LRRC51: variants seen among roughly 807,000 people sequenced by gnomAD.
The protein encoded by LRRC51 is leucine rich repeat containing 51.
In LRRC51, 8 loss-of-function variants were observed where a neutral mutation model predicts 17.8. That is an observed-to-expected ratio of 0.45 (90% CI 0.26 to 0.81). LRRC51 has a LOEUF of 0.81. LRRC51 is among the 30% of genes least tolerant of loss of function. The pLI is 0.17. For synonymous variants in LRRC51, 92 were observed against 96.0 expected, an observed-to-expected ratio of 0.96 and a Z score of 0.24; for missense variants, 233 against 239.3, an observed-to-expected ratio of 0.97 and a Z score of 0.17.
intron 5 of LRRC51, 68 bp downstream of exon 5, chr11:72,095,164 A>G: frequency 6.3e-7 from 1 of 1,591,588 alleles, no homozygotes; most frequent in Non-Finnish European, 8.6e-7. Context: ...AGGAGAAACA[A>G]GAAATCTACG....
intron 3 of LRRC51, among the ~76,000 whole-genome samples, chr11:72,090,531 C>A (rs1944798462): frequency 6.6e-6 from 1 of 152,050 alleles, no homozygotes; most frequent in Non-Finnish European, 1.5e-5. Context: ...GTATTGTGCT[C>A]CTTGCTAGGT....
At chr11:72,089,213 G>A in intron 3 of LRRC51, 48 bp downstream of exon 3, 2 of 1,613,704 alleles carry the variant, frequency 1.2e-6, no homozygotes, top group Non-Finnish European at 1.7e-6. Flanking sequence ...AGCAGGCCCA[G>A]TGTGGTCCCT....
chr11:72,086,002 G>A (rs1048696892), intron 1 of LRRC51: 12 of 160,370 alleles, frequency 7.5e-5, no homozygotes, highest in East Asian at 1.8e-4. Context: ...CATGTTTATC[G>A]ACATCTCATT....
At chr11:72,093,837 CCAGA>C (rs1945002939) in intron 4 of LRRC51, 136 bp downstream of exon 4, 4 of 855,802 alleles carry the variant, frequency 4.7e-6, no homozygotes, top group East Asian at 2.5e-5. Flanking sequence ...GGCTAGGGGG[CCAGA>C]CAGATAGATG....
intron 4 of LRRC51, 23 bp downstream of exon 4, chr11:72,093,724 C>A: frequency 1.2e-6 from 2 of 1,611,316 alleles, no homozygotes; most frequent in Non-Finnish European, 8.5e-7. Context: ...CAGTAGGAAT[C>A]CAGTCAGGGG....
chr11:72,083,041 T>C (rs576749488), intron 1 of LRRC51, among the ~76,000 whole-genome samples: 32 of 152,302 alleles, frequency 2.1e-4, no homozygotes, highest in Non-Finnish European at 4.0e-4. Flanking sequence ...AATTTTATAT[T>C]TTTAGTAGAG....
At chr11:72,088,740 C>A (rs1442143255) in intron 2 of LRRC51, 4 of 513,096 alleles carry the variant, frequency 7.8e-6, no homozygotes, top group Non-Finnish European at 1.4e-5. Context: ...TGGCTTAACT[C>A]TGGGCAAGTC....
chr11:72,089,465 AAAG>A, intron 3 of LRRC51: 5 of 1,326,062 alleles, frequency 3.8e-6, no homozygotes, highest in South Asian at 2.6e-5. Flanking sequence ...ATCATCTTTA[AAAG>A]AAGCCAGGCT....
At chr11:72,086,142 C>A in intron 1 of LRRC51, 1 of 461,000 alleles carries the variant, frequency 2.2e-6, no homozygotes, top group Non-Finnish European at 3.9e-6. Context: ...TAACACAGGA[C>A]ACATTAACCA....
At chr11:72,088,899 T>A in intron 2 of LRRC51, 130 bp from the exon 3 acceptor site, 1 of 1,087,922 alleles carries the variant, frequency 9.2e-7, no homozygotes, top group African/African-American at 1.6e-5. Flanking sequence ...GAAGAGTGAT[T>A]TCATATCTTA....
intron 2 of LRRC51, 190 bp downstream of exon 2, chr11:72,088,570 G>A (rs1413082616): frequency 2.5e-5 from 15 of 605,842 alleles, no homozygotes; most frequent in South Asian, 5.9e-5. Flanking sequence ...AACCAGATGC[G>A]GTGCAGGCCC....
chr11:72,081,824 A>G (rs888133435), intron 1 of LRRC51, among the ~76,000 whole-genome samples: 4 of 151,996 alleles, frequency 2.6e-5, no homozygotes, highest in African/African-American at 7.3e-5. Context: ...CGACAGATCT[A>G]TTACATTTAG....
In LRRC51 at chr11:72,093,717, T is replaced by C; in HGVS notation, c.288+16T>C. 6.2e-7 allele frequency: 1 copy of C among 1,613,112 alleles called. No individual in the cohort carries two copies. Among genetic ancestry groups the C allele is most frequent in the Non-Finnish European group, 8.5e-7 (1 of 1,179,148 alleles). On this transcript the variant is annotated intron_variant, in intron 4 of 5. Transcript: ENST00000289488. ...CATTGACCCTGTGAGTTCCTAACAG[T>C]AGGAATCCAGTCAGGGGAGCCTGAA...
intron 4 of LRRC51, 32 bp downstream of exon 4, chr11:72,093,733 G>C: frequency 6.2e-7 from 1 of 1,605,626 alleles, no homozygotes; most frequent in Non-Finnish European, 8.5e-7. Context: ...TCCAGTCAGG[G>C]GAGCCTGAAG....
chr11:72,082,650 A>T (rs1488379278), intron 1 of LRRC51, among the ~76,000 whole-genome samples: 2 of 151,882 alleles, frequency 1.3e-5, no homozygotes, highest in Non-Finnish European at 2.9e-5. Context: ...CAAGCCCAAA[A>T]CCCAAGTTAG....
chr11:72,089,654 ATGAGGGGTCTTATCTACAAAC>A, intron 3 of LRRC51: 1 of 1,092,736 alleles, frequency 9.2e-7, no homozygotes, highest in South Asian at 1.8e-5. Flanking sequence ...CTGGCCAAAC[ATGAGGGGTCTTATCTACAAAC>A]TGGCATATTT....
At chr11:72,092,416 T>G (rs1944912641) in intron 3 of LRRC51, among the ~76,000 whole-genome samples, 1 of 152,248 alleles carries the variant, frequency 6.6e-6, no homozygotes, top group African/African-American at 2.4e-5. Context: ...TTATGTTGAT[T>G]GTAGGGCCCT....
At chr11:72,095,258 C>A in intron 5 of LRRC51, 121 bp from the exon 6 acceptor site, 1 of 1,588,754 alleles carries the variant, frequency 6.3e-7, no homozygotes, top group African/African-American at 1.3e-5. Context: ...TAAACCTAAT[C>A]TTTCCCAAAC....
intron 3 of LRRC51, among the ~76,000 whole-genome samples, chr11:72,091,783 A>G (rs962360118): frequency 6.6e-6 from 1 of 152,076 alleles, no homozygotes; most frequent in African/African-American, 2.4e-5. Context: ...ACGGGGTTTC[A>G]TGATGTTGCC....
Sources: gnomAD v4.1 joint callset for allele counts (sites outside exome capture counted in the v4.1 genomes callset) on GRCh38, gnomAD v4.1.1 for gene constraint, MANE v1.5 for transcripts, NCBI Gene and HGNC (gene_info 2026-07-23, HGNC 2026-07-21) for gene names.